TBC1D22A: variants seen among roughly 807,000 people sequenced by gnomAD.
TBC1D22A encodes the protein TBC1 domain family member 22A, also known as putative GTPase activator.
A neutral mutation model predicts 60.2 loss-of-function variants in TBC1D22A; 38 were observed. The ratio of observed to expected loss-of-function variants is 0.63; its 90% CI spans 0.49 to 0.83. TBC1D22A has a LOEUF of 0.83. Ranked by LOEUF, TBC1D22A falls within the 40% of genes least tolerant of loss-of-function variation. TBC1D22A has a pLI of 0.00. For missense variants in TBC1D22A, 628 were observed against 701.0 expected (o/e 0.90, Z 1.18); for synonymous variants, 302 against 281.7 (o/e 1.07, Z -0.72).
At chr22:46,911,253 G>C (rs1052533287) in intron 7 of TBC1D22A, among the ~76,000 whole-genome samples, 3 of 152,150 alleles carry the variant, frequency 2.0e-5, no homozygotes, top group Non-Finnish European at 4.4e-5. Flanking sequence ...ACTCCTGCAT[G>C]CCTGGCCTGC....
At chr22:46,793,406 T>C (rs1330753595) in intron 2 of TBC1D22A, 95 bp from the exon 3 acceptor site, 2 of 1,230,216 alleles carry the variant, frequency 1.6e-6, no homozygotes, top group South Asian at 1.3e-5. Context: ...AGCTGAACAC[T>C]TCTATGCCTG....
intron 10 of TBC1D22A, among the ~76,000 whole-genome samples, chr22:47,032,886 C>G (rs1399749573): frequency 1.3e-5 from 2 of 152,206 alleles, no homozygotes; most frequent in African/African-American, 4.8e-5. Context: ...CAGGCACCTG[C>G]CCTGGAACGT....
At chr22:46,899,092 G>T (rs2068840241) in intron 7 of TBC1D22A, among the ~76,000 whole-genome samples, 1 of 152,296 alleles carries the variant, frequency 6.6e-6, no homozygotes, top group Non-Finnish European at 1.5e-5. Context: ...GGTAACCTGA[G>T]CACAGCCTTG....
At chr22:47,020,275 T>C (rs924280825) in intron 10 of TBC1D22A, among the ~76,000 whole-genome samples, 4 of 152,032 alleles carry the variant, frequency 2.6e-5, no homozygotes, top group Non-Finnish European at 5.9e-5. Context: ...CAGCCGGTGG[T>C]GGGAGGCTCT....
intron 8 of TBC1D22A, chr22:46,913,531 A>G (rs898957180): frequency 9.6e-6 from 12 of 1,255,672 alleles, no homozygotes; most frequent in African/African-American, 1.6e-5. Context: ...GCAACTAATG[A>G]GAGCTGCCTC....
chr22:47,070,172 T>A (rs941937256), intron 11 of TBC1D22A, among the ~76,000 whole-genome samples: 18 of 104,170 alleles, frequency 1.7e-4, no homozygotes, highest in African/African-American at 5.4e-4. Context: ...CTGACGGTCC[T>A]GGCTGTTCCC....
At chr22:47,129,412 G>A (rs1280299402) in intron 12 of TBC1D22A, among the ~76,000 whole-genome samples, 2 of 152,226 alleles carry the variant, frequency 1.3e-5, no homozygotes, top group African/African-American at 4.8e-5. Context: ...GGGAGGCGGA[G>A]GTTGCAGTGA....
At chr22:46,991,353 G>A (rs142839360) in intron 9 of TBC1D22A, among the ~76,000 whole-genome samples, 51 of 152,294 alleles carry the variant, frequency 3.3e-4, no homozygotes, top group East Asian at 2.5e-3. Context: ...AAGGGGATCC[G>A]TTTAACCAGT....
intron 10 of TBC1D22A, among the ~76,000 whole-genome samples, chr22:47,007,749 A>AT (rs1422248952): frequency 6.6e-6 from 1 of 152,148 alleles, no homozygotes; most frequent in African/African-American, 2.4e-5. Context: ...GCTCTCTGCC[A>AT]TCTCTTATAG....
chr22:46,825,256 G>A (rs1025784308), intron 4 of TBC1D22A, among the ~76,000 whole-genome samples: 2 of 152,054 alleles, frequency 1.3e-5, no homozygotes, highest in African/African-American at 4.8e-5. Flanking sequence ...ATTTCTTAGA[G>A]GTGCCTTTTT....
At chr22:46,937,736 G>A (rs2071742157) in intron 8 of TBC1D22A, among the ~76,000 whole-genome samples, 1 of 152,136 alleles carries the variant, frequency 6.6e-6, no homozygotes, top group Non-Finnish European at 1.5e-5. Context: ...AAGGTGTGGA[G>A]GTGGAATTAA....
At chr22:47,130,447 T>C (rs2147114600) in intron 12 of TBC1D22A, among the ~76,000 whole-genome samples, 1 of 152,318 alleles carries the variant, frequency 6.6e-6, no homozygotes, top group East Asian at 1.9e-4. Context: ...TACCTTGAGA[T>C]CTACATGTCT....
At chr22:47,035,808 G>A (rs908982219) in intron 10 of TBC1D22A, among the ~76,000 whole-genome samples, 1 of 152,190 alleles carries the variant, frequency 6.6e-6, no homozygotes, top group African/African-American at 2.4e-5. Flanking sequence ...CCACGGCCCT[G>A]AAGTCCAGGC....
chr22:47,173,408 G>T (rs2068569312), intron 12 of TBC1D22A, 90 bp from the exon 13 acceptor site: 1 of 1,551,588 alleles, frequency 6.4e-7, no homozygotes, highest in South Asian at 1.2e-5. Context: ...CTCTGACCTG[G>T]GCTTGTATCT....
chr22:46,932,272 C>T (rs767948813), intron 8 of TBC1D22A, among the ~76,000 whole-genome samples: 7 of 152,350 alleles, frequency 4.6e-5, no homozygotes, highest in Admixed American at 2.6e-4. Flanking sequence ...CCAGGTTGCC[C>T]GTCAAGGCCG....
intron 8 of TBC1D22A, among the ~76,000 whole-genome samples, chr22:46,929,774 A>G (rs966327706): frequency 3.9e-5 from 6 of 152,140 alleles, no homozygotes; most frequent in Admixed American, 6.5e-5. Context: ...TAAAACAACA[A>G]TTGAACAATT....
intron 10 of TBC1D22A, among the ~76,000 whole-genome samples, chr22:47,004,105 AC>A (rs753733759): frequency 2.7e-5 from 4 of 147,146 alleles, no homozygotes; most frequent in South Asian, 4.3e-4. Context: ...ATATACACAC[AC>A]CCCTTCACAG....
intron 11 of TBC1D22A, among the ~76,000 whole-genome samples, chr22:47,055,845 T>C (rs2063373698): frequency 8.9e-6 from 1 of 112,252 alleles, no homozygotes; most frequent in African/African-American, 3.3e-5. Flanking sequence ...TCTGAGTTCC[T>C]GGGCAGTGAG....
At chr22:46,941,108 TACACAC>T (rs145138507) in intron 8 of TBC1D22A, among the ~76,000 whole-genome samples, 13,644 of 77,154 alleles carry the variant, frequency 0.18, 1,385 homozygotes, top group Non-Finnish European at 0.22. Context: ...GGCACTAGCA[TACACAC>T]ACACACACAC....
Sources: gnomAD v4.1 joint callset for allele counts (sites outside exome capture counted in the v4.1 genomes callset) on GRCh38, gnomAD v4.1.1 for gene constraint, MANE v1.5 for transcripts, NCBI Gene and HGNC (gene_info 2026-07-23, HGNC 2026-07-21) for gene names.